The following ONECUT1 variants were observed in gnomAD, a reference collection of about 807,000 sequenced individuals.
ONECUT1 encodes hepatocyte nuclear factor 6.
ONECUT1 carries 12 observed loss-of-function variants against 25.6 expected under a neutral mutation model. That is an observed-to-expected ratio of 0.47 (90% CI 0.30 to 0.76). The LOEUF (loss-of-function observed/expected upper bound fraction) is 0.76. ONECUT1 is among the 30% of genes least tolerant of loss of function. The probability of loss-of-function intolerance (pLI) is 0.07; values close to 1 mark genes in which losing one functional copy is unlikely to be tolerated. For synonymous variants in ONECUT1, 285 were observed against 270.2 expected (o/e 1.05, Z -0.54); for missense variants, 620 against 651.2 (o/e 0.95, Z 0.52).
chr15:52,778,996 T>TTTTC (rs11410298), intron 1 of ONECUT1, among the ~76,000 whole-genome samples: 1,663 of 83,732 alleles, frequency 0.02, 55 homozygotes, highest in East Asian at 0.13. Flanking sequence ...GAGGGTTTTC[T>TTTTC]TTTTTTTTTT....
intron 1 of ONECUT1, among the ~76,000 whole-genome samples, chr15:52,775,861 C>T (rs2083796552): frequency 6.6e-6 from 1 of 152,124 alleles, no homozygotes; most frequent in South Asian, 2.1e-4. Context: ...ATTTGTCTGC[C>T]CCACCTACAT....
chr15:52,762,263 A>C (rs1401710505), intron 1 of ONECUT1, among the ~76,000 whole-genome samples: 1 of 152,174 alleles, frequency 6.6e-6, no homozygotes, highest in African/African-American at 2.4e-5. Context: ...GCATTTCCCA[A>C]ATGGCATCAG....
Position 52,757,861 on chromosome 15 carries a change from C to T in ONECUT1, c.1106-14G>A. 3 of 1,608,980 alleles carry T rather than the reference C, an allele frequency of 1.9e-6. No individual in the cohort carries two copies. The highest frequency in any genetic ancestry group is 1.1e-5 in the South Asian group (1 of 90,408). ...TCCTTTTGCATGCTGTGAAGAAACA[C>T]AGAAGATGTTAGAACAAATGGTCTA... On this transcript the variant is annotated splice_polypyrimidine_tract_variant and intron_variant, in intron 1 of 1. Transcript: ENST00000305901.
At chr15:52,771,818 T>C (rs2083769639) in intron 1 of ONECUT1, among the ~76,000 whole-genome samples, 1 of 152,206 alleles carries the variant, frequency 6.6e-6, no homozygotes, top group Non-Finnish European at 1.5e-5. Context: ...GGAGAGCCAC[T>C]TGCTCCTAGG....
Position 52,789,358 on chromosome 15 carries a change from C to T in ONECUT1, c.527G>A (p.Gly176Asp), listed in dbSNP as rs760306582. Residue 176 changes from glycine (G) to aspartate (D), a missense_variant, in exon 1 of 2, where the codon GGC becomes GAC. By Grantham distance (94) the Gly-to-Asp change is moderately conservative (BLOSUM62 -1). Around this residue, in one of 4 missense-constraint regions of ONECUT1, gnomAD observed 440 missense variants for 404.9 expected, o/e 1.09. Coordinates refer to ENST00000305901, the MANE Select transcript of ONECUT1 (RefSeq NM_004498.4). This position sits in a 1 kb window ranked among gnomAD's most constrained non-coding sequence, Gnocchi z 4.1. ...TPYHKDVAGM[G>D]QSLSPLSSSG... ...GCTGGAGAGGGGCGAGAGGCTCTGG[C>T]CCATGCCGGCCACGTCCTTGTGGTA... The T allele has an allele frequency of 2.5e-6, 4 of 1,605,582 alleles. No individual in the cohort carries two copies. In the East Asian group the frequency reaches 6.7e-5, roughly 27 times the overall value.
rs998136848 is a variant in ONECUT1, at chr15:52,784,814, G to A, written c.1105+3966C>T. ...ATGCACTGCCACTTTTCGGCCTGGC[G>A]GGCTCTGGGACTCCTTGGTCTCCGT... On this transcript the variant is annotated intron_variant, in intron 1 of 1. Coordinates refer to ENST00000305901, the MANE Select transcript of ONECUT1 (RefSeq NM_004498.4). The surrounding 1 kb of genome is among the most constrained non-coding windows in gnomAD (Gnocchi z 5.0). Among the ~76,000 whole-genome samples, 2 of 152,194 alleles carry A rather than the reference G, an allele frequency of 1.3e-5. No individual in the cohort carries two copies. Among genetic ancestry groups the A allele is most frequent in the Non-Finnish European group, 2.9e-5 (2 of 68,020 alleles).
At chr15:52,766,364 A>G (rs2083734727) in intron 1 of ONECUT1, among the ~76,000 whole-genome samples, 1 of 152,002 alleles carries the variant, frequency 6.6e-6, no homozygotes, top group Non-Finnish European at 1.5e-5. Flanking sequence ...CCAGTGAAAC[A>G]TCATGGAAAC....
intron 1 of ONECUT1, among the ~76,000 whole-genome samples, chr15:52,774,136 C>CACAT (rs1260383817): frequency 6.7e-6 from 1 of 149,628 alleles, no homozygotes. Context: ...CACACACACA[C>CACAT]ACACACACAC....
intron 1 of ONECUT1, among the ~76,000 whole-genome samples, chr15:52,761,878 A>G (rs147792433): frequency 6.6e-6 from 1 of 152,340 alleles, no homozygotes; most frequent in Non-Finnish European, 1.5e-5. Flanking sequence ...TTATGAGGAT[A>G]GTAACCACTT....
intron 1 of ONECUT1, among the ~76,000 whole-genome samples, chr15:52,781,598 G>T (rs1245971892): frequency 6.6e-6 from 1 of 152,306 alleles, no homozygotes; most frequent in South Asian, 2.1e-4. Flanking sequence ...TTCCAGTGGT[G>T]TTATCACAAG....
rs1329122661 is a variant in ONECUT1 at position 52,757,297 on chromosome 15, G to A, written c.*258C>T. On this transcript the variant is annotated 3_prime_UTR_variant, in exon 2 of 2. Coordinates refer to ENST00000305901, the MANE Select transcript of ONECUT1 (RefSeq NM_004498.4). Reference sequence around the variant, plus strand: ...AGCCAAGCACAGCGAGGATGGTCATGGATTGAAGGTGTGAGATCCAGTGGT... The same window carrying A: ...AGCCAAGCACAGCGAGGATGGTCATAGATTGAAGGTGTGAGATCCAGTGGT... 3 of 468,408 alleles carry A rather than the reference G, an allele frequency of 6.4e-6. No homozygotes were observed. Among genetic ancestry groups the A allele is most frequent in the African/African-American group, 2.0e-5 (1 of 50,046 alleles). 29.0% of individuals were successfully genotyped at this position (468,408 alleles called of 1,614,324 possible). A position where few individuals can be genotyped will look rare whatever the true frequency, so the allele number is the denominator to read the frequency against.
At chr15:52,780,715 G>A in intron 1 of ONECUT1, 2 of 1,503,170 alleles carry the variant, frequency 1.3e-6, no homozygotes, top group Non-Finnish European at 1.8e-6. Context: ...CGCTTCGCTC[G>A]TTTGTTTATT....
intron 1 of ONECUT1, among the ~76,000 whole-genome samples, chr15:52,771,858 A>G (rs1037984542): frequency 2.6e-5 from 4 of 152,206 alleles, no homozygotes; most frequent in African/African-American, 9.7e-5. Flanking sequence ...CAAGCTCAAG[A>G]GAATTACTCC....
At chr15:52,769,819 G>A (rs2083755912) in intron 1 of ONECUT1, among the ~76,000 whole-genome samples, 1 of 152,190 alleles carries the variant, frequency 6.6e-6, no homozygotes, top group East Asian at 1.9e-4. Flanking sequence ...TCCTTGCTAA[G>A]TTTGGGTGGT....
At chr15:52,762,830 A>T (rs573131918) in intron 1 of ONECUT1, among the ~76,000 whole-genome samples, 1 of 152,304 alleles carries the variant, frequency 6.6e-6, no homozygotes, top group South Asian at 2.1e-4. Context: ...CCACAGAAAC[A>T]AGTCATACTT....
intron 1 of ONECUT1, among the ~76,000 whole-genome samples, chr15:52,787,475 G>C (rs2083883665): frequency 6.6e-6 from 1 of 152,142 alleles, no homozygotes; most frequent in African/African-American, 2.4e-5. Context: ...AAACGGCTCA[G>C]TGCCCCCGGC....
At chr15:52,780,923 G>A in intron 1 of ONECUT1, 35 of 1,259,686 alleles carry the variant, frequency 2.8e-5, no homozygotes, top group Non-Finnish European at 3.5e-5. Flanking sequence ...GAAACACATG[G>A]TGACTGGAAA....
chr15:52,759,392 C>T (rs1315149015), intron 1 of ONECUT1, among the ~76,000 whole-genome samples: 1 of 152,172 alleles, frequency 6.6e-6, no homozygotes, highest in Non-Finnish European at 1.5e-5. Flanking sequence ...CAAATTAGCT[C>T]AGCAACAGAT....
At chr15:52,769,992 C>A (rs916425517) in intron 1 of ONECUT1, among the ~76,000 whole-genome samples, 1 of 152,198 alleles carries the variant, frequency 6.6e-6, no homozygotes, top group Non-Finnish European at 1.5e-5. Flanking sequence ...ATGAAAGACT[C>A]AAAGAATGCT....
Sources: gnomAD v4.1 joint callset for allele counts (sites outside exome capture counted in the v4.1 genomes callset) on GRCh38, gnomAD v4.1.1 for gene constraint, gnomAD v4.1.1 regional missense constraint, Gnocchi (gnomAD v3.1) non-coding constraint, MANE v1.5 for transcripts, NCBI Gene and HGNC (gene_info 2026-07-23, HGNC 2026-07-21) for gene names.